Variants in EBF2 observed in about 807,000 individuals in gnomAD.
EBF2 encodes EBF transcription factor 2.
EBF2 carries 21 observed loss-of-function variants against 72.8 expected under a neutral mutation model. That is an observed-to-expected ratio of 0.29 (90% CI 0.20 to 0.42). The LOEUF (loss-of-function observed/expected upper bound fraction) is 0.42, where lower values mean the gene tolerates loss of function less well. Ranked by LOEUF, EBF2 falls within the 10% of genes least tolerant of loss-of-function variation. EBF2 has a pLI of 1.00. For missense variants in EBF2, 637 were observed against 731.2 expected (o/e 0.87, Z 1.49); for synonymous variants, 299 against 274.2 (o/e 1.09, Z -0.89).
At chr8:25,979,150 C>G (rs1804317285) in intron 6 of EBF2, among the ~76,000 whole-genome samples, 1 of 152,180 alleles carries the variant, frequency 6.6e-6, no homozygotes, top group African/African-American at 2.4e-5. Flanking sequence ...GCCCACAAAA[C>G]CATCCCAAGT....
intron 6 of EBF2, among the ~76,000 whole-genome samples, chr8:25,943,700 G>A (rs1033603116): frequency 6.6e-6 from 1 of 152,036 alleles, no homozygotes; most frequent in African/African-American, 2.4e-5. Context: ...CCCTTAAAAC[G>A]GCAACTGTGG....
At chr8:25,978,399 T>A (rs1180380326) in intron 6 of EBF2, among the ~76,000 whole-genome samples, 2 of 152,156 alleles carry the variant, frequency 1.3e-5, no homozygotes, top group Non-Finnish European at 2.9e-5. Flanking sequence ...CTGTTTCCCA[T>A]CAAGATGGCT....
At chr8:25,904,235 C>CAAAAAAAAA (rs35930162) in intron 7 of EBF2, among the ~76,000 whole-genome samples, 4 of 121,838 alleles carry the variant, frequency 3.3e-5, no homozygotes, top group African/African-American at 1.2e-4. Context: ...GGGTCTGGGC[C>CAAAAAAAAA]AAAAAAAAAA....
chr8:26,021,631 G>T (rs981416573), intron 6 of EBF2, among the ~76,000 whole-genome samples: 1 of 152,026 alleles, frequency 6.6e-6, no homozygotes, highest in Admixed American at 6.6e-5. Flanking sequence ...ATATTGCATG[G>T]GACAAACTTA....
chr8:25,862,853 CTAAT>C (rs944664973), intron 10 of EBF2, 56 bp from the exon 11 acceptor site: 3 of 1,311,052 alleles, frequency 2.3e-6, no homozygotes, highest in Non-Finnish European at 3.1e-6. Flanking sequence ...AGCAAACCTT[CTAAT>C]TAATTCTTCC....
intron 6 of EBF2, among the ~76,000 whole-genome samples, chr8:25,967,328 C>A (rs943264989): frequency 1.3e-5 from 2 of 152,146 alleles, no homozygotes; most frequent in Non-Finnish European, 2.9e-5. Context: ...TACAGATGCT[C>A]CTCAACATAC....
At chr8:25,937,289 C>T (rs1166148323) in intron 6 of EBF2, among the ~76,000 whole-genome samples, 3 of 152,196 alleles carry the variant, frequency 2.0e-5, no homozygotes, top group Non-Finnish European at 4.4e-5. Flanking sequence ...GCAGCACCAA[C>T]ATGTTACCCA....
chr8:26,012,618 G>A (rs376144023), intron 6 of EBF2, among the ~76,000 whole-genome samples: 2 of 152,146 alleles, frequency 1.3e-5, no homozygotes, highest in Non-Finnish European at 2.9e-5. Flanking sequence ...GGCAGATAAG[G>A]TTCTTAGCTT....
At chr8:26,026,417 C>G (rs1805303089) in intron 6 of EBF2, among the ~76,000 whole-genome samples, 1 of 152,194 alleles carries the variant, frequency 6.6e-6, no homozygotes, top group Admixed American at 6.5e-5. Context: ...ACCCAAAGCA[C>G]TTCATTTGAC....
chr8:25,873,640 T>C (rs549225473), intron 10 of EBF2, among the ~76,000 whole-genome samples: 1 of 152,356 alleles, frequency 6.6e-6, no homozygotes, highest in South Asian at 2.1e-4. Context: ...GCCTCTGATA[T>C]TTAATTTTAA....
At chr8:25,981,088 C>T (rs1804354482) in intron 6 of EBF2, among the ~76,000 whole-genome samples, 4 of 152,150 alleles carry the variant, frequency 2.6e-5, no homozygotes, top group Admixed American at 2.6e-4. Flanking sequence ...AGCCTTGCTC[C>T]TCCCTGCTCT....
chr8:26,035,997 C>T (rs1210700040), intron 5 of EBF2, among the ~76,000 whole-genome samples: 1 of 152,122 alleles, frequency 6.6e-6, no homozygotes, highest in Non-Finnish European at 1.5e-5. Flanking sequence ...TCAAAAGACC[C>T]ATACATGCCA....
At chr8:25,884,699 C>A (rs749043069) in intron 10 of EBF2, among the ~76,000 whole-genome samples, 1 of 152,164 alleles carries the variant, frequency 6.6e-6, no homozygotes, top group Non-Finnish European at 1.5e-5. Flanking sequence ...AATGAATGAA[C>A]TATATCCCTT....
intron 6 of EBF2, among the ~76,000 whole-genome samples, chr8:25,955,070 C>T (rs1226758350): frequency 6.6e-6 from 1 of 152,184 alleles, no homozygotes; most frequent in Non-Finnish European, 1.5e-5. Flanking sequence ...GGGCACGGAG[C>T]GCATCCCCAG....
chr8:25,856,748 C>A (rs1802102390), intron 14 of EBF2, among the ~76,000 whole-genome samples: 1 of 152,224 alleles, frequency 6.6e-6, no homozygotes, highest in South Asian at 2.1e-4. Context: ...ACCTCTCCAA[C>A]ATCTCAGTAA....
chr8:25,991,568 G>A (rs554382906), intron 6 of EBF2, among the ~76,000 whole-genome samples: 137 of 152,280 alleles, frequency 9.0e-4, no homozygotes, highest in African/African-American at 3.1e-3. Context: ...GAGGACTGCC[G>A]GGTGCAGTGG....
At chr8:26,037,685 C>A (rs1463883011) in intron 5 of EBF2, among the ~76,000 whole-genome samples, 1 of 152,148 alleles carries the variant, frequency 6.6e-6, no homozygotes, top group Non-Finnish European at 1.5e-5. Flanking sequence ...ATTATAATAT[C>A]TTTTAACCCT....
At chr8:25,864,501 AACACACAC>A (rs72239959) in intron 10 of EBF2, among the ~76,000 whole-genome samples, 7 of 149,394 alleles carry the variant, frequency 4.7e-5, no homozygotes, top group African/African-American at 9.8e-5. Flanking sequence ...GATACACACA[AACACACAC>A]ACACACACAC....
intron 7 of EBF2, among the ~76,000 whole-genome samples, chr8:25,898,801 T>C (rs1387226719): frequency 6.6e-6 from 1 of 152,140 alleles, no homozygotes; most frequent in Non-Finnish European, 1.5e-5. Context: ...ACACAGGCCC[T>C]GGAAGCAGCT....
Sources: allele counts gnomAD v4.1 joint callset (sites outside exome capture counted in the v4.1 genomes callset), GRCh38; gene constraint gnomAD v4.1.1; transcripts MANE v1.5; gene names NCBI Gene and HGNC (gene_info 2026-07-23, HGNC 2026-07-21).